Variants in LHX4 observed in about 807,000 individuals in gnomAD.
LHX4 encodes the protein LIM homeobox 4.
A neutral mutation model predicts 39.2 loss-of-function variants in LHX4; 16 were observed. The ratio of observed to expected loss-of-function variants is 0.41; its 90% confidence interval spans 0.28 to 0.62. The LOEUF (loss-of-function observed/expected upper bound fraction) is 0.62, where lower values mean the gene tolerates loss of function less well. LHX4 is among the 20% of genes least tolerant of loss of function. LHX4 has a pLI of 0.33. For synonymous variants in LHX4, 206 were observed against 198.1 expected (o/e 1.04, Z -0.33); for missense variants, 439 against 511.9 (o/e 0.86, Z 1.37).
chr1:180,272,269 C>A (rs1030866500), intron 5 of LHX4, among the ~76,000 whole-genome samples: 9 of 152,148 alleles, frequency 5.9e-5, no homozygotes, highest in African/African-American at 2.2e-4. Context: ...CCCCTCCCCT[C>A]CTGCTGACTG....
At chr1:180,271,349 G>GA in intron 3 of LHX4, 31 bp from the exon 4 acceptor site, 1 of 1,613,930 alleles carries the variant, frequency 6.2e-7, no homozygotes, top group East Asian at 2.2e-5. Flanking sequence ...CAGATAGGCC[G>GA]AAGCCAGTAA....
intron 1 of LHX4, among the ~76,000 whole-genome samples, chr1:180,236,005 G>T (rs1244758355): frequency 6.6e-6 from 1 of 152,222 alleles, no homozygotes; most frequent in Non-Finnish European, 1.5e-5. Context: ...GCAGCAGGAA[G>T]TTGAAGGAAG....
chr1:180,272,119 C>A, intron 5 of LHX4, 113 bp downstream of exon 5: 1 of 931,204 alleles, frequency 1.1e-6, no homozygotes, highest in Non-Finnish European at 1.6e-6. Flanking sequence ...CCCTCCTGAA[C>A]ACAGGCTTTT....
chr1:180,245,490 A>G (rs1271740424), intron 1 of LHX4, among the ~76,000 whole-genome samples: 1 of 152,216 alleles, frequency 6.6e-6, no homozygotes, highest in Non-Finnish European at 1.5e-5. Flanking sequence ...AGCCGCTGGC[A>G]TAATTGCTGT....
chr1:180,252,394 C>A (rs1647669288), intron 2 of LHX4, among the ~76,000 whole-genome samples: 1 of 152,216 alleles, frequency 6.6e-6, no homozygotes, highest in South Asian at 2.1e-4. Flanking sequence ...ACCTCTGATG[C>A]TCTTAGCTGT....
chr1:180,256,050 C>T (rs1055636367), intron 2 of LHX4, among the ~76,000 whole-genome samples: 4 of 152,342 alleles, frequency 2.6e-5, no homozygotes, highest in East Asian at 3.9e-4. Context: ...CTCTCCTCAC[C>T]CCTACCCTGG....
At chr1:180,247,426 C>T (rs1647431503) in intron 1 of LHX4, among the ~76,000 whole-genome samples, 2 of 152,336 alleles carry the variant, frequency 1.3e-5, no homozygotes, top group South Asian at 2.1e-4. Flanking sequence ...CAGAATTTCA[C>T]TGCTTCTGCT....
rs929368749 is a variant in LHX4, at chr1:180,278,675, G to T, written c.*4096G>T. On this transcript the variant is annotated 3_prime_UTR_variant, in exon 6 of 6. Coordinates refer to ENST00000263726, the MANE Select transcript of LHX4 (RefSeq NM_033343.4). ...GGACTGTGTTCGGCCAAACAAGCAG[G>T]TTCAGGGCTGCGGGATTCCAGAAGT... The T allele has an allele frequency of 1.3e-5, 2 of 151,400 alleles. No individual in the cohort carries two copies. Among genetic ancestry groups the T allele is most frequent in the Admixed American group, 6.6e-5 (1 of 15,108 alleles). The allele number at this position is 151,400 out of a possible 1,614,324, so 9.4% of individuals were successfully genotyped here.
chr1:180,251,003 G>A (rs1168514000), intron 2 of LHX4, among the ~76,000 whole-genome samples: 2 of 152,080 alleles, frequency 1.3e-5, no homozygotes, highest in Admixed American at 6.6e-5. Flanking sequence ...ATCCTTTCAG[G>A]GCCTTACTCA....
Position 180,276,507 on chromosome 1 carries a change from T to C in LHX4, c.*1928T>C, listed in dbSNP as rs113823524. On this transcript the variant is annotated 3_prime_UTR_variant, in exon 6 of 6. Coordinates refer to ENST00000263726, the MANE Select transcript of LHX4 (RefSeq NM_033343.4). Reference sequence around the variant, plus strand: ...CACTTCTCTTGAGGTTCCATGTTTATGGATGATGTTGTGTTAATCCTAGCC... The same window carrying C: ...CACTTCTCTTGAGGTTCCATGTTTACGGATGATGTTGTGTTAATCCTAGCC... 185 of 152,340 alleles carry C rather than the reference T, an allele frequency of 1.2e-3. No homozygotes were observed. The highest frequency in any genetic ancestry group is 4.1e-3 in the African/African-American group (172 of 41,564). The allele number at this position is 152,340 out of a possible 1,614,324, so 9.4% of individuals were successfully genotyped here.
intron 2 of LHX4, among the ~76,000 whole-genome samples, chr1:180,256,875 G>A (rs145171422): frequency 1.2e-4 from 19 of 152,354 alleles, no homozygotes; most frequent in African/African-American, 4.3e-4. Flanking sequence ...GAGGGAGGGT[G>A]ACCTTGGGCC....
At chr1:180,242,749 G>A (rs555768878) in intron 1 of LHX4, among the ~76,000 whole-genome samples, 1 of 152,154 alleles carries the variant, frequency 6.6e-6, no homozygotes, top group Admixed American at 6.6e-5. Flanking sequence ...CCTCTGCAGA[G>A]CCCCAGCAGA....
intron 2 of LHX4, among the ~76,000 whole-genome samples, chr1:180,252,741 T>C (rs1372604212): frequency 1.3e-5 from 2 of 151,968 alleles, no homozygotes; most frequent in Non-Finnish European, 2.9e-5. Context: ...ATCTCAAAAG[T>C]GGAAGGAGGC....
rs116482990 is a variant in LHX4, at chr1:180,274,596, C to A, written c.*17C>A. On this transcript the variant is annotated 3_prime_UTR_variant, in exon 6 of 6. Transcript: ENST00000263726. The stretch of plus-strand genomic sequence containing the variant: ...CCTTTTTAAACTTCTCTCCTCCCCA[C>A]CCTACCTGCCCCCCTGGCTTGAGAG... The A allele has an allele frequency of 2.0e-3, 3,093 of 1,543,226 alleles. 60 individuals are homozygous for A. In the African/African-American group the frequency reaches 0.036, roughly 18 times the overall value.
intron 2 of LHX4, among the ~76,000 whole-genome samples, chr1:180,255,820 GA>G (rs1475389614): frequency 1.3e-5 from 2 of 152,246 alleles, no homozygotes; most frequent in African/African-American, 4.8e-5. Flanking sequence ...GACATCTGTG[GA>G]AGACACATCT....
At chr1:180,270,906 CAGG>C in intron 3 of LHX4, 1 of 238,406 alleles carries the variant, frequency 4.2e-6, no homozygotes, top group South Asian at 5.4e-5. Context: ...CCAGCGACGC[CAGG>C]GCAAAGGTGA....
chr1:180,264,886 A>G (rs1200029520), intron 2 of LHX4, among the ~76,000 whole-genome samples: 1 of 152,180 alleles, frequency 6.6e-6, no homozygotes, highest in Non-Finnish European at 1.5e-5. Flanking sequence ...CCCATCTCAG[A>G]AGAGTGTTCC....
intron 2 of LHX4, among the ~76,000 whole-genome samples, chr1:180,262,712 G>A (rs544612027): frequency 6.2e-4 from 94 of 151,284 alleles, no homozygotes; most frequent in Non-Finnish European, 4.6e-4. Flanking sequence ...GAAAAGAGCT[G>A]CCATTATGGA....
intron 2 of LHX4, among the ~76,000 whole-genome samples, chr1:180,263,342 A>G (rs1293286028): frequency 1.3e-5 from 2 of 152,132 alleles, no homozygotes; most frequent in Admixed American, 6.5e-5. Context: ...GACTCTGGCT[A>G]TTCTAAGATC....
Sources: allele counts gnomAD v4.1 joint callset (sites outside exome capture counted in the v4.1 genomes callset), GRCh38; gene constraint gnomAD v4.1.1; transcripts MANE v1.5; gene names NCBI Gene and HGNC (gene_info 2026-07-23, HGNC 2026-07-21).